The following ZHX3 variants were observed in gnomAD, a reference collection of about 807,000 sequenced individuals.
ZHX3 encodes zinc fingers and homeoboxes protein 3.
A neutral mutation model predicts 64.5 loss-of-function variants in ZHX3; 20 were observed. The observed-to-expected ratio is 0.31, with a 90% confidence interval of 0.22 to 0.45. The LOEUF (loss-of-function observed/expected upper bound fraction) is 0.45, where lower values mean the gene tolerates loss of function less well. ZHX3 is among the 20% of genes least tolerant of loss of function. The pLI is 1.00. For synonymous variants in ZHX3, 423 were observed against 461.6 expected (o/e 0.92, Z 1.07); for missense variants, 1,041 against 1,195.8 (o/e 0.87, Z 1.91).
chr20:41,210,348 C>T (rs1024201079), intron 2 of ZHX3, among the ~76,000 whole-genome samples: 3 of 152,242 alleles, frequency 2.0e-5, no homozygotes, highest in South Asian at 2.1e-4. Flanking sequence ...CATTACTGGG[C>T]ATATACCCAA....
intron 2 of ZHX3, 79 bp downstream of exon 2, chr20:41,268,911 T>C (rs547810548): frequency 8.5e-4 from 129 of 152,314 alleles, no homozygotes; most frequent in African/African-American, 2.9e-3. Flanking sequence ...CATTACAAAG[T>C]TGTGGTAATT....
intron 3 of ZHX3, among the ~76,000 whole-genome samples, chr20:41,188,840 C>A (rs1056453849): frequency 6.6e-6 from 1 of 152,150 alleles, no homozygotes; most frequent in African/African-American, 2.4e-5. Context: ...CTTTGCTATG[C>A]AGAAGATTTT....
intron 2 of ZHX3, among the ~76,000 whole-genome samples, chr20:41,234,845 G>GC (rs1228998050): frequency 6.6e-6 from 1 of 152,234 alleles, no homozygotes; most frequent in Non-Finnish European, 1.5e-5. Flanking sequence ...GCAGGGCCAG[G>GC]CACCTACTGG....
Position 41,178,901 on chromosome 20 carries a change from T to TA in ZHX3, c.*6289dup, listed in dbSNP as rs1468070226. 1.3e-5 allele frequency: 2 copies of TA among 152,662 alleles called. No homozygotes were observed. Among genetic ancestry groups the TA allele is most frequent in the Non-Finnish European group, 2.9e-5 (2 of 68,054 alleles). 9.5% of individuals were successfully genotyped at this position (152,662 alleles called of 1,614,324 possible). On this transcript the variant is annotated 3_prime_UTR_variant, in exon 4 of 4. Coordinates refer to ENST00000683867, the MANE Select transcript of ZHX3 (RefSeq NM_001384317.1). ...AAACAAAAACAGGGCAGTTGCCTCT[T>TA]ACTTGTTTAGCACCAAGATGATCAC... is the stretch of plus-strand genomic sequence containing the variant.
At position 41,179,931 on chromosome 20, in the gene ZHX3, AGTCAC is replaced by A. The variant is rs2036186255; in HGVS notation, c.*5255_*5259del. ...AGGTGTGAGCCACTGCGCCCAGCCA[AGTCAC>A]GTTAATTTTGAATCATCCACTTACG... is the stretch of plus-strand genomic sequence containing the variant. On this transcript the variant is annotated 3_prime_UTR_variant, in exon 4 of 4. Coordinates refer to ENST00000683867, the MANE Select transcript of ZHX3 (RefSeq NM_001384317.1). The surrounding 1 kb of genome is among the most constrained non-coding windows in gnomAD (Gnocchi z 4.3). 6.6e-6 allele frequency: 1 copy of A among 152,506 alleles called. No individual in the cohort carries two copies. The highest frequency in any genetic ancestry group is 2.1e-4 in the South Asian group (1 of 4,828). The allele number at this position is 152,506 out of a possible 1,614,324, so 9.4% of individuals were successfully genotyped here. A position where few individuals can be genotyped will look rare whatever the true frequency, so the allele number is the denominator to read the frequency against.
chr20:41,256,425 T>A (rs928831158), intron 2 of ZHX3, among the ~76,000 whole-genome samples: 10 of 152,228 alleles, frequency 6.6e-5, no homozygotes, highest in African/African-American at 2.4e-4. Flanking sequence ...AGGGTAGAAC[T>A]GACTTAATAC....
rs937647192 is a variant in ZHX3 at position 41,180,353 on chromosome 20, G to A, written c.*4838C>T. On this transcript the variant is annotated 3_prime_UTR_variant, in exon 4 of 4. Coordinates refer to ENST00000683867, the MANE Select transcript of ZHX3 (RefSeq NM_001384317.1). The stretch of plus-strand genomic sequence containing the variant: ...GAACTTTCAGAAATTGAGGAAGGGG[G>A]TGCTTTCCCCTGTCCTTGTCCATAT... 1 of 152,486 alleles carries A rather than the reference G, an allele frequency of 6.6e-6. No individual in the cohort carries two copies. Among genetic ancestry groups the A allele is most frequent in the African/African-American group, 2.4e-5 (1 of 41,444 alleles). 9.4% of individuals were successfully genotyped at this position (152,486 alleles called of 1,614,324 possible).
chr20:41,193,977 G>T (rs2037272564), intron 3 of ZHX3, among the ~76,000 whole-genome samples: 1 of 152,156 alleles, frequency 6.6e-6, no homozygotes, highest in Admixed American at 6.5e-5. Context: ...TGGGATTACA[G>T]GCGTGAGCTA....
rs200368077 is a variant in ZHX3 at position 41,202,466 on chromosome 20, G to A, written c.2451C>T (p.Tyr817=). 58 of 1,614,038 alleles carry A rather than the reference G, an allele frequency of 3.6e-5. No homozygotes were observed. Among genetic ancestry groups the A allele is most frequent in the African/African-American group, 2.1e-4 (16 of 74,916 alleles). The part of the protein sequence containing the change: ...EVVRWFGDSR[Y]ALKNGQLKWY... Reference sequence around the variant, plus strand: ...ATTTGAGTTGGCCGTTCTTCAGTGCGTACCTGCTATCTCCAAACCAGCGCA... The same window carrying A: ...ATTTGAGTTGGCCGTTCTTCAGTGCATACCTGCTATCTCCAAACCAGCGCA... The change falls in exon 3 of 4, where the codon TAC becomes TAT. Residue 817 remains tyrosine (Y), a synonymous_variant. Transcript: ENST00000683867. This position sits in a 1 kb window ranked among gnomAD's most constrained non-coding sequence, Gnocchi z 7.0.
chr20:41,196,402 T>A (rs59631223), intron 3 of ZHX3, among the ~76,000 whole-genome samples: 3 of 54,206 alleles, frequency 5.5e-5, no homozygotes, highest in Admixed American at 7.2e-4. Flanking sequence ...TTTATATATA[T>A]TATATATTAT....
chr20:41,311,057 C>G (rs2045120306), intron 1 of ZHX3, among the ~76,000 whole-genome samples: 1 of 152,134 alleles, frequency 6.6e-6, no homozygotes, highest in Non-Finnish European at 1.5e-5. Context: ...ATCCGCCCGC[C>G]TAGGCCTCCC....
At chr20:41,221,067 C>CG (rs1225764203) in intron 2 of ZHX3, among the ~76,000 whole-genome samples, 2 of 152,120 alleles carry the variant, frequency 1.3e-5, no homozygotes, top group African/African-American at 4.8e-5. Context: ...TTCCCCTAAA[C>CG]CAATAATCCT....
rs1022862784 is a variant in ZHX3, at chr20:41,232,141, A to G, written c.-150-27075T>C. Among the ~76,000 whole-genome samples the G allele has an allele frequency of 6.6e-6, 1 of 152,242 alleles. No individual in the cohort carries two copies. The highest frequency in any genetic ancestry group is 2.4e-5 in the African/African-American group (1 of 41,464). ...GAGATTTATGGGTAATGGCCACAGA[A>G]ACGAAGACAATTTTGCCTAGGCAAG... On this transcript the variant is annotated intron_variant, in intron 2 of 3. Coordinates refer to ENST00000683867, the MANE Select transcript of ZHX3 (RefSeq NM_001384317.1). This position sits in a 1 kb window ranked among gnomAD's most constrained non-coding sequence, Gnocchi z 5.0.
chr20:41,279,823 C>G (rs1269522752), intron 1 of ZHX3, among the ~76,000 whole-genome samples: 1 of 152,096 alleles, frequency 6.6e-6, no homozygotes, highest in South Asian at 2.1e-4. Context: ...AAGAAGGAAA[C>G]TCTAAAACTG....
chr20:41,194,973 T>C (rs1600722459), intron 3 of ZHX3, among the ~76,000 whole-genome samples: 1 of 152,312 alleles, frequency 6.6e-6, no homozygotes, highest in East Asian at 1.9e-4. Context: ...GGTTTGTCAA[T>C]TTTGTTTTTT....
chr20:41,247,897 C>A lies in ZHX3; in HGVS notation c.-151+21093G>T, dbSNP rs190852421. Among the ~76,000 whole-genome samples the A allele has an allele frequency of 2.1e-4, 32 of 152,322 alleles. No individual in the cohort carries two copies. In the East Asian group the frequency reaches 5.4e-3, roughly 26 times the overall value. On this transcript the variant is annotated intron_variant, in intron 2 of 3. Coordinates refer to ENST00000683867, the MANE Select transcript of ZHX3 (RefSeq NM_001384317.1). ...TTCTGAACAGTTCCTTACAAACCCA[C>A]ATCTTCCTACCTCAACTCTGCCTAG...
chr20:41,193,714 T>G (rs924644489), intron 3 of ZHX3, among the ~76,000 whole-genome samples: 1 of 44,302 alleles, frequency 2.3e-5, no homozygotes. Flanking sequence ...GTTGTTTTTG[T>G]TTTTTTTTTT....
intron 2 of ZHX3, among the ~76,000 whole-genome samples, chr20:41,264,761 G>A (rs2042751631): frequency 6.6e-6 from 1 of 151,926 alleles, no homozygotes; most frequent in African/African-American, 2.4e-5. Context: ...AGCACACAAA[G>A]CTCACTCCGA....
intron 2 of ZHX3, among the ~76,000 whole-genome samples, chr20:41,218,567 T>C (rs1035686442): frequency 6.6e-6 from 1 of 152,226 alleles, no homozygotes; most frequent in Admixed American, 6.5e-5. Context: ...TATGTATTAA[T>C]AGAGAACTCT....
Sources: allele counts gnomAD v4.1 joint callset (sites outside exome capture counted in the v4.1 genomes callset), GRCh38; gene constraint gnomAD v4.1.1; non-coding constraint Gnocchi (gnomAD v3.1); transcripts MANE v1.5; gene names NCBI Gene and HGNC (gene_info 2026-07-23, HGNC 2026-07-21).